The following HROB variants were observed in gnomAD, a reference collection of about 807,000 sequenced individuals.
HROB encodes homologous recombination factor with OB-fold.
HROB carries 44 observed loss-of-function variants against 61.0 expected under a neutral mutation model. The ratio of observed to expected loss-of-function variants is 0.72; its 90% CI spans 0.57 to 0.93. HROB has a LOEUF of 0.93. Among genes scored for constraint, HROB ranks in the 40% least tolerant of loss-of-function variants. The pLI is 0.00. For missense variants in HROB, 716 were observed against 796.2 expected (o/e 0.90, Z 1.21); for synonymous variants, 301 against 310.4 (o/e 0.97, Z 0.32).
rs1368422519 is a variant in HROB at position 44,148,755 on chromosome 17, C to T, written c.952C>T (p.Arg318Ter). The T allele has an allele frequency of 1.2e-6, 2 of 1,614,214 alleles. No individual in the cohort carries two copies. Among genetic ancestry groups the T allele is most frequent in the Non-Finnish European group, 1.7e-6 (2 of 1,180,038 alleles). The change falls in exon 3 of 10, where the codon CGA (arginine) becomes TGA (stop). Residue 318 changes from arginine to a stop codon, truncating the protein, a stop_gained. Transcript: ENST00000585683. LOFTEE classifies it high-confidence loss of function. ...TGGCAAAGCTCATTTACCCAGACCT[C>T]GAACTCCCAACTCAAGCTGTTCTAC... Reference protein sequence around the residue: ...LSGKAHLPRPRTPNSSCSTPS... With the variant: ...LSGKAHLPRP
rs1490698254 is a variant in HROB at position 44,152,668 on chromosome 17, A to G, written c.1340A>G (p.Glu447Gly). The G allele has an allele frequency of 3.7e-6, 6 of 1,614,068 alleles. No individual in the cohort carries two copies. The Admixed American group carries it at 1.0e-4, about 27-fold the overall frequency. ...IVASSQASVE[E>G]DFGRGPWLTM... ...GCTAGTTCCCAGGCATCTGTGGAGGAGGATTTTGGGCGAGGGCCCTGGCTG... is the reference window on the plus strand; with the variant it reads ...GCTAGTTCCCAGGCATCTGTGGAGGGGGATTTTGGGCGAGGGCCCTGGCTG... The change falls in exon 5 of 10, where the codon GAG (glutamate) becomes GGG (glycine). Residue 447 changes from glutamate (E) to glycine (G), a missense_variant. Glu to Gly is a moderately conservative substitution (Grantham distance 98, BLOSUM62 -2). Coordinates refer to ENST00000585683, the MANE Select transcript of HROB (RefSeq NM_001171251.3).
intron 1 of HROB, among the ~76,000 whole-genome samples, chr17:44,144,662 A>G (rs2053559571): frequency 6.6e-6 from 1 of 150,990 alleles, no homozygotes; most frequent in African/African-American, 2.4e-5. Flanking sequence ...GGATCCACCC[A>G]CCTCAGCCTC....
At chr17:44,159,140 T>C (rs2054057555) in intron 9 of HROB, among the ~76,000 whole-genome samples, 1 of 152,072 alleles carries the variant, frequency 6.6e-6, no homozygotes, top group East Asian at 1.9e-4. Flanking sequence ...GGCCCCAAAG[T>C]TCACAGGATT....
rs781068560 is a variant in HROB at position 44,161,956 on chromosome 17, CA to C, written c.*25del. 1.2e-6 allele frequency: 2 copies of C among 1,608,982 alleles called. No homozygotes were observed. The stretch of plus-strand genomic sequence containing the variant: ...GAGACTGCCCCAACGCAGGACAACC[CA>C]CCATGAGCAGGCAGCTCTGGGCATG... On this transcript the variant is annotated 3_prime_UTR_variant, in exon 10 of 10. Coordinates refer to ENST00000585683, the MANE Select transcript of HROB (RefSeq NM_001171251.3).
chr17:44,159,433 A>G (rs1203128948), intron 9 of HROB, among the ~76,000 whole-genome samples: 4 of 152,240 alleles, frequency 2.6e-5, no homozygotes, highest in African/African-American at 9.6e-5. Flanking sequence ...GTCCAGCCCT[A>G]CTGGGCCTTG....
At chr17:44,151,898 G>A (rs1191528889) in intron 4 of HROB, among the ~76,000 whole-genome samples, 1 of 152,006 alleles carries the variant, frequency 6.6e-6, no homozygotes, top group Non-Finnish European at 1.5e-5. Flanking sequence ...CCAGGCTGGA[G>A]TGCAGTGTCG....
intron 2 of HROB, among the ~76,000 whole-genome samples, chr17:44,147,224 G>A (rs2053635985): frequency 6.6e-6 from 1 of 151,958 alleles, no homozygotes; most frequent in Non-Finnish European, 1.5e-5. Flanking sequence ...TGACTTCTTG[G>A]TTCCCTGGAA....
intron 3 of HROB, among the ~76,000 whole-genome samples, chr17:44,149,805 T>A (rs540640116): frequency 1.3e-5 from 2 of 152,228 alleles, no homozygotes; most frequent in East Asian, 3.9e-4. Context: ...GAACTTACAG[T>A]GAAATGGAAG....
chr17:44,144,638 C>G (rs1017718321), intron 1 of HROB, among the ~76,000 whole-genome samples: 1 of 151,954 alleles, frequency 6.6e-6, no homozygotes, highest in African/African-American at 2.4e-5. Context: ...TAGCCTCAAA[C>G]TCCTGGGCTC....
At chr17:44,153,480 G>A (rs1299878601) in intron 5 of HROB, among the ~76,000 whole-genome samples, 6 of 151,984 alleles carry the variant, frequency 3.9e-5, no homozygotes, top group Non-Finnish European at 5.9e-5. Flanking sequence ...AAGGCCGGGC[G>A]TGGTGGCTCA....
At position 44,147,942 on chromosome 17, in the gene HROB, T is replaced by G. The variant is rs761956200; in HGVS notation, c.139T>G (p.Ser47Ala). Residue 47 changes from serine to alanine, a missense_variant, in exon 3 of 10, where the codon TCT becomes GCT. By Grantham distance (99) the Ser-to-Ala change is moderately conservative. Transcript: ENST00000585683. The part of the protein sequence containing the change: ...VNAGRLRPVS[S>A]RPQETVQAQS... ...TGCTGGGCGCCTGAGACCTGTCTCT[T>G]CTAGGCCACAGGAGACTGTGCAGGC... 4.3e-6 allele frequency: 7 copies of G among 1,614,152 alleles called. No homozygotes were observed. Among genetic ancestry groups the G allele is most frequent in the Non-Finnish European group, 5.9e-6 (7 of 1,180,032 alleles).
At chr17:44,154,253 A>G in intron 5 of HROB, 1 of 276,312 alleles carries the variant, frequency 3.6e-6, no homozygotes, top group Non-Finnish European at 7.1e-6. Flanking sequence ...GAGGCAGGAG[A>G]ATCGCTTGAA....
At chr17:44,150,438 G>A (rs2053765600) in intron 3 of HROB, among the ~76,000 whole-genome samples, 1 of 151,364 alleles carries the variant, frequency 6.6e-6, no homozygotes, top group African/African-American at 2.4e-5. Flanking sequence ...CGTCCAGGCA[G>A]GAGTGCAGTG....
chr17:44,159,697 T>C (rs979726996), intron 9 of HROB, among the ~76,000 whole-genome samples: 1 of 152,224 alleles, frequency 6.6e-6, no homozygotes, highest in South Asian at 2.1e-4. Context: ...GGCCTTTCCC[T>C]TTGTGGTAGC....
chr17:44,152,552 C>A, intron 4 of HROB, 85 bp from the exon 5 acceptor site: 1 of 1,478,180 alleles, frequency 6.8e-7, no homozygotes, highest in Non-Finnish European at 9.1e-7. Flanking sequence ...CCTTTCCTCT[C>A]TCACCCTTCC....
At position 44,155,340 on chromosome 17, in the gene HROB, A is replaced by C; in HGVS notation, c.1699A>C (p.Asn567His). 2 of 1,614,136 alleles carry C rather than the reference A, an allele frequency of 1.2e-6. No homozygotes were observed. The highest frequency in any genetic ancestry group is 1.7e-6 in the Non-Finnish European group (2 of 1,180,026). ...RNHYLNVTPN[N>H]LVHIYSPDSG... ...TCACTACCTCAACGTGACACCCAAC[A>C]ACCTGGTCCATATTTACAGCCCGGA... The change falls in exon 8 of 10, where the codon AAC (asparagine) becomes CAC (histidine). Residue 567 changes from asparagine (N) to histidine (H), a missense_variant. Asn to His is a moderately conservative substitution (Grantham distance 68). Transcript: ENST00000585683.
Position 44,161,881 on chromosome 17 carries a change from TGGAC to T in HROB, c.1891_1894del (p.Gly631SerfsTer2). On this transcript the variant is annotated frameshift_variant, in exon 10 of 10. Transcript: ENST00000585683. LOFTEE classifies it high-confidence loss of function. ...TTCCCCTCTCTGTAGATGACCTGGA[TGGAC>T]TCCTGAGTGAGCTTCCTGAAGACTT... is the stretch of plus-strand genomic sequence containing the variant. 1 of 1,614,146 alleles carries T rather than the reference TGGAC, an allele frequency of 6.2e-7. No individual in the cohort carries two copies. Among genetic ancestry groups the T allele is most frequent in the Non-Finnish European group, 8.5e-7 (1 of 1,179,954 alleles).
Position 44,148,618 on chromosome 17 carries a change from G to A in HROB, c.815G>A (p.Arg272His), listed in dbSNP as rs771890893. 1.2e-5 allele frequency: 19 copies of A among 1,613,272 alleles called. No homozygotes were observed. The highest frequency in any genetic ancestry group is 6.6e-5 in the South Asian group (6 of 91,082). ...CTCCACTGGGAAGTCTGTCCGCAACGCTCCCCTGTTCAAGCACTTCAGCCT... is the reference window on the plus strand; with the variant it reads ...CTCCACTGGGAAGTCTGTCCGCAACACTCCCCTGTTCAAGCACTTCAGCCT... ...QQLHWEVCPQ[R>H]SPVQALQPLQ... The change falls in exon 3 of 10, where the codon CGC becomes CAC. Residue 272 changes from arginine (R) to histidine (H), a missense_variant. Physicochemically the swap from Arg to His is conservative, Grantham distance 29 (BLOSUM62 0). Coordinates refer to ENST00000585683, the MANE Select transcript of HROB (RefSeq NM_001171251.3).
chr17:44,154,435 A>G, intron 5 of HROB, 121 bp from the exon 6 acceptor site: 1 of 860,578 alleles, frequency 1.2e-6, no homozygotes, highest in Non-Finnish European at 1.9e-6. Context: ...TCCACAAAGA[A>G]GATCATCACT....
Sources: allele counts gnomAD v4.1 joint callset (sites outside exome capture counted in the v4.1 genomes callset), GRCh38; gene constraint gnomAD v4.1.1; transcripts MANE v1.5; gene names NCBI Gene and HGNC (gene_info 2026-07-23, HGNC 2026-07-21).